Variants in GPAM observed in about 807,000 individuals in gnomAD.
GPAM encodes glycerol-3-phosphate acyltransferase 1, mitochondrial.
GPAM carries 56 observed loss-of-function variants against 105.0 expected under a neutral mutation model. That is an observed-to-expected ratio of 0.53 (90% CI 0.43 to 0.67). The LOEUF is 0.67. Ranked by LOEUF, GPAM falls within the 30% of genes least tolerant of loss-of-function variation. GPAM has a pLI of 0.00. For synonymous variants in GPAM, 368 were observed against 354.4 expected (o/e 1.04, Z -0.43); for missense variants, 855 against 989.8 (o/e 0.86, Z 1.83).
At chr10:112,223,519 G>A in the GPAM span, among the ~76,000 whole-genome samples, 1 of 152,204 alleles carries the variant, frequency 6.6e-6, no homozygotes, top group East Asian at 1.9e-4. Context: ...GAGGGCGTTA[G>A]GGAACCTATA....
chr10:112,175,449 C>T, intron 6 of GPAM, 151 bp downstream of exon 6: 2 of 637,136 alleles, frequency 3.1e-6, no homozygotes, highest in East Asian at 2.7e-5. Context: ...CTTTAGTTTC[C>T]TTTGGAGCTT....
chr10:112,167,959 A>G (rs1292239630), intron 11 of GPAM, among the ~76,000 whole-genome samples: 1 of 152,216 alleles, frequency 6.6e-6, no homozygotes, highest in Non-Finnish European at 1.5e-5. Context: ...TAAAATATGC[A>G]CATATTCATT....
intron 20 of GPAM, chr10:112,154,986 C>A: frequency 2.1e-6 from 1 of 468,116 alleles, no homozygotes. Context: ...ATACCTAAAA[C>A]ATCCATTTTC....
chr10:112,168,517 A>G lies in GPAM; in HGVS notation c.902T>C (p.Val301Ala). 6.3e-7 allele frequency: 1 copy of G among 1,594,320 alleles called. No individual in the cohort carries two copies. Among genetic ancestry groups the G allele is most frequent in the Non-Finnish European group, 8.6e-7 (1 of 1,161,932 alleles). The change falls in exon 11 of 22, where the codon GTT becomes GCT. Residue 301 changes from valine to alanine, a missense_variant. Transcript: ENST00000348367. ...LYRALLHGHI[V>A]ELLRQQQFLE... Reference sequence around the variant, plus strand: ...GAATTGCTGCTGTCGAAGTAATTCAACTATATGCTGGGATATAAGAAGAAA... The same window carrying G: ...GAATTGCTGCTGTCGAAGTAATTCAGCTATATGCTGGGATATAAGAAGAAA...
intron 16 of GPAM, 46 bp from the exon 17 acceptor site, chr10:112,160,099 A>C: frequency 6.3e-7 from 1 of 1,591,588 alleles, no homozygotes; most frequent in Non-Finnish European, 8.6e-7. Flanking sequence ...CAAAGTCTCC[A>C]AGAAAAACTT....
intron 9 of GPAM, among the ~76,000 whole-genome samples, chr10:112,171,912 C>T (rs768016743): frequency 2.6e-5 from 4 of 152,116 alleles, no homozygotes; most frequent in Non-Finnish European, 4.4e-5. Flanking sequence ...TTTCTAATTG[C>T]CTTTTATCTA....
chr10:112,196,276 T>C (rs528477555), intron 1 of GPAM, among the ~76,000 whole-genome samples: 36 of 152,354 alleles, frequency 2.4e-4, no homozygotes, highest in African/African-American at 7.7e-4. Context: ...ATTATTCTTT[T>C]TCTAATGAGT....
rs1042965318 is a variant in GPAM, at chr10:112,193,614, T to C, written n.211-10723A>G. Among the ~76,000 whole-genome samples, 4 of 152,168 alleles carry C rather than the reference T, an allele frequency of 2.6e-5. No homozygotes were observed. In the South Asian group the frequency reaches 8.3e-4, roughly 31 times the overall value. On this transcript the variant is annotated intron_variant and non_coding_transcript_variant, in intron 1 of 3. Transcript: ENST00000480130. The stretch of plus-strand genomic sequence containing the variant: ...CCAGGAGAGGTCAGAATCTGTAAAG[T>C]GGCAGAAACACACTTTGAATTCAGC...
intron 9 of GPAM, 84 bp from the exon 10 acceptor site, chr10:112,169,036 C>A: frequency 4.5e-6 from 4 of 882,756 alleles, no homozygotes; most frequent in Admixed American, 3.7e-5. Flanking sequence ...AAACATTTGC[C>A]AAGTGGATAC....
intron 8 of GPAM, 29 bp downstream of exon 8, chr10:112,172,941 T>C (rs2792700): frequency 0.14 from 159,667 of 1,149,616 alleles, 12,288 homozygotes; most frequent in African/African-American, 0.23. Flanking sequence ...GAGGGGAAAA[T>C]GGGGTAATAG....
At chr10:112,161,531 G>T (rs1384396599) in intron 15 of GPAM, 136 bp downstream of exon 15, 2 of 712,820 alleles carry the variant, frequency 2.8e-6, no homozygotes, top group Non-Finnish European at 5.1e-6. Flanking sequence ...TTTGGGCAGG[G>T]TCCTCAGCTT....
intron 1 of GPAM, among the ~76,000 whole-genome samples, chr10:112,209,855 A>G (rs1490150298): frequency 6.6e-6 from 1 of 152,202 alleles, no homozygotes; most frequent in Non-Finnish European, 1.5e-5. Flanking sequence ...TTTATGGCCA[A>G]TCTGATTTCT....
At chr10:112,200,240 T>TAGAG (rs1464259484) in intron 1 of GPAM, among the ~76,000 whole-genome samples, 9 of 129,394 alleles carry the variant, frequency 7.0e-5, no homozygotes, top group South Asian at 2.7e-4. Context: ...TATATATATA[T>TAGAG]ATATAGAGAG....
At chr10:112,154,967 G>A (rs1242063177) in intron 20 of GPAM, 3 of 512,214 alleles carry the variant, frequency 5.9e-6, no homozygotes, top group Non-Finnish European at 1.1e-5. Flanking sequence ...AGAACAGAGG[G>A]AAGTAGAAAT....
At chr10:112,170,823 CTT>C (rs1248622135) in intron 9 of GPAM, among the ~76,000 whole-genome samples, 3 of 152,210 alleles carry the variant, frequency 2.0e-5, no homozygotes, top group East Asian at 1.9e-4. Flanking sequence ...TTTGTTCTCT[CTT>C]GTCTAAAGCA....
chr10:112,226,399 C>A, the GPAM span, among the ~76,000 whole-genome samples: 1 of 152,066 alleles, frequency 6.6e-6, no homozygotes, highest in Non-Finnish European at 1.5e-5. Flanking sequence ...AAGTGTGAGC[C>A]ATTTCCCACT....
chr10:112,227,171 C>T, the GPAM span, among the ~76,000 whole-genome samples: 1 of 152,186 alleles, frequency 6.6e-6, no homozygotes. Context: ...TACATAAAGA[C>T]ATCTATGATC....
intron 1 of GPAM, among the ~76,000 whole-genome samples, chr10:112,210,346 C>A (rs1847897933): frequency 6.6e-6 from 1 of 152,194 alleles, no homozygotes; most frequent in Non-Finnish European, 1.5e-5. Context: ...CACCATCAAA[C>A]AGGGAGTTTT....
rs72836654 is a variant in GPAM, at chr10:112,198,365, T to G, written n.211-15474A>C. ...TTTCGTTTCCAGGTATAAACGTGCATAGTTTTCCTTTAACAACTATACTAC... is the reference window on the plus strand; with the variant it reads ...TTTCGTTTCCAGGTATAAACGTGCAGAGTTTTCCTTTAACAACTATACTAC... On this transcript the variant is annotated intron_variant and non_coding_transcript_variant, in intron 1 of 3. Transcript: ENST00000480130. 6.9e-3 allele frequency among the ~76,000 whole-genome samples: 1,046 copies of G among 152,352 alleles called. 9 individuals are homozygous for G. Among genetic ancestry groups the G allele is most frequent in the Middle Eastern group, 0.031 (9 of 294 alleles).
Sources: gnomAD v4.1 joint callset for allele counts (sites outside exome capture counted in the v4.1 genomes callset) on GRCh38, gnomAD v4.1.1 for gene constraint, MANE v1.5 for transcripts, NCBI Gene and HGNC (gene_info 2026-07-23, HGNC 2026-07-21) for gene names.